The following ERCC6L2 variants were observed in gnomAD, a reference collection of about 807,000 sequenced individuals.
ERCC6L2 encodes ERCC excision repair 6 like 2, also known as DNA excision repair protein ERCC-6-like 2.
Under a neutral mutation model 132.0 loss-of-function variants are expected in ERCC6L2, and 77 were observed. That is an observed-to-expected ratio of 0.58 (90% CI 0.49 to 0.71). The LOEUF is 0.71. Ranked by LOEUF, ERCC6L2 falls within the 30% of genes least tolerant of loss-of-function variation. ERCC6L2 has a pLI of 0.00. For synonymous variants in ERCC6L2, 583 were observed against 632.4 expected, an observed-to-expected ratio of 0.92 and a Z score of 1.17; for missense variants, 1,542 against 1,837.6, an observed-to-expected ratio of 0.84 and a Z score of 2.94.
chr9:95,900,695 A>T (rs1380637218), intron 3 of ERCC6L2, among the ~76,000 whole-genome samples: 2 of 152,060 alleles, frequency 1.3e-5, no homozygotes, highest in African/African-American at 4.8e-5. Flanking sequence ...TGCATTGTGT[A>T]GTCTCTGTTG....
At position 95,930,046 on chromosome 9, in the gene ERCC6L2, G is replaced by C. The variant is rs372292635; in HGVS notation, c.1751+1182G>C. On this transcript the variant is annotated intron_variant, in intron 11 of 18. Transcript: ENST00000653738. ...TCATACTTCGAAAAACATCTTTTTG[G>C]ATGGCATTTTTGCTCTATTAACTCC... Among the ~76,000 whole-genome samples the C allele has an allele frequency of 3.3e-5, 5 of 152,146 alleles. No homozygotes were observed. The South Asian group carries it at 8.3e-4, about 25-fold the overall frequency.
intron 17 of ERCC6L2, among the ~76,000 whole-genome samples, chr9:95,998,059 A>G (rs2133180621): frequency 6.6e-6 from 1 of 152,350 alleles, no homozygotes; most frequent in East Asian, 1.9e-4. Flanking sequence ...GCTGCTGCTT[A>G]AAACAGCGGT....
At chr9:95,950,579 T>C (rs532096599) in intron 12 of ERCC6L2, among the ~76,000 whole-genome samples, 126 of 152,264 alleles carry the variant, frequency 8.3e-4, no homozygotes, top group African/African-American at 2.4e-3. Context: ...TGTCCAAATA[T>C]ATGCTATCCA....
intron 17 of ERCC6L2, among the ~76,000 whole-genome samples, chr9:96,000,304 C>T (rs1157269115): frequency 6.6e-6 from 1 of 152,122 alleles, no homozygotes; most frequent in East Asian, 1.9e-4. Flanking sequence ...ACCACAGTAG[C>T]TTTTGAACAT....
rs372076178 is a variant in ERCC6L2, at chr9:95,981,137, A to G, written c.3492+2922A>G. On this transcript the variant is annotated intron_variant, in intron 17 of 18. Transcript: ENST00000653738. ...TATTTCAATTTCTAAAGAATACCAT[A>G]GAGTCTGAATTAGAACCTTTAACTA... 9.2e-5 allele frequency among the ~76,000 whole-genome samples: 14 copies of G among 152,330 alleles called. No individual in the cohort carries two copies. The East Asian group carries it at 1.3e-3, about 15-fold the overall frequency.
chr9:95,988,494 A>C (rs1011842411), intron 17 of ERCC6L2, among the ~76,000 whole-genome samples: 2 of 152,230 alleles, frequency 1.3e-5, no homozygotes, highest in African/African-American at 4.8e-5. Flanking sequence ...ATGGATTGGA[A>C]AGCCGTATCC....
At chr9:96,001,109 G>C (rs1025042487) in intron 17 of ERCC6L2, among the ~76,000 whole-genome samples, 1 of 152,008 alleles carries the variant, frequency 6.6e-6, no homozygotes, top group Non-Finnish European at 1.5e-5. Flanking sequence ...CGGTGGGCTC[G>C]TGGTCTCGCT....
intron 3 of ERCC6L2, among the ~76,000 whole-genome samples, chr9:95,900,813 T>C (rs186128910): frequency 2.3e-3 from 355 of 152,354 alleles, no homozygotes; most frequent in Non-Finnish European, 4.1e-3. Flanking sequence ...TGTTTAATAG[T>C]GTTATTTTCT....
rs1827224500 is a variant in ERCC6L2 at position 95,875,891 on chromosome 9, C to T, written c.-148C>T. On this transcript the variant is annotated 5_prime_UTR_variant, in exon 1 of 19. Transcript: ENST00000653738. ...TTTGCTGGGATCCCCCTCCTCCATCCTGTGGCTTCGGGTTGCCGAAGAGCG... is the reference window on the plus strand; with the variant it reads ...TTTGCTGGGATCCCCCTCCTCCATCTTGTGGCTTCGGGTTGCCGAAGAGCG... 2.5e-6 allele frequency: 2 copies of T among 788,750 alleles called. No individual in the cohort carries two copies. The highest frequency in any genetic ancestry group is 1.7e-5 in the African/African-American group (1 of 59,192). The allele number at this position is 788,750 out of a possible 1,614,324, so 48.9% of individuals were successfully genotyped here. A position where few individuals can be genotyped will look rare whatever the true frequency, so the allele number is the denominator to read the frequency against.
At chr9:96,020,697 C>T (rs927759621), downstream of ERCC6L2, 2 of 438,794 alleles carry the variant, frequency 4.6e-6, no homozygotes, top group Non-Finnish European at 4.6e-6. Flanking sequence ...GCAAGGCTTC[C>T]GCAGCTCAAA....
intron 1 of ERCC6L2, chr9:95,876,416 C>G (rs1487311282): frequency 3.4e-6 from 1 of 291,902 alleles, no homozygotes; most frequent in Non-Finnish European, 6.3e-6. Context: ...TTATGTGACC[C>G]CGCGTGTGGC....
intron 17 of ERCC6L2, among the ~76,000 whole-genome samples, chr9:95,998,161 C>T (rs148249571): frequency 3.1e-3 from 465 of 151,632 alleles, no homozygotes; most frequent in African/African-American, 0.011. Context: ...TTTTGAAAAA[C>T]GTGTTCATGC....
At position 95,922,372 on chromosome 9, in the gene ERCC6L2, C is replaced by T; in HGVS notation, c.1367C>T (p.Ala456Val). 6.2e-7 allele frequency: 1 copy of T among 1,613,566 alleles called. No homozygotes were observed. The highest frequency in any genetic ancestry group is 8.5e-7 in the Non-Finnish European group (1 of 1,179,606). The change falls in exon 8 of 19, where the codon GCT becomes GTT. Residue 456 changes from alanine (A) to valine (V), a missense_variant. Coordinates refer to ENST00000653738, the MANE Select transcript of ERCC6L2 (RefSeq NM_020207.7). ...LSYLTVLQKV[A>V]NHVALLQAAS... ...TACCTTACAGTCCTTCAGAAGGTAG[C>T]TAACCATGTCGCGCTACTGCAAGCT... is the stretch of plus-strand genomic sequence containing the variant.
chr9:95,916,684 C>CTT (rs1360979308), intron 6 of ERCC6L2, among the ~76,000 whole-genome samples: 366 of 137,328 alleles, frequency 2.7e-3, no homozygotes, highest in African/African-American at 9.2e-3. Context: ...TCATCAAAAC[C>CTT]TTTTTTTTTT....
intron 17 of ERCC6L2, among the ~76,000 whole-genome samples, chr9:95,996,049 A>G (rs975609092): frequency 2.6e-5 from 4 of 152,264 alleles, no homozygotes; most frequent in Non-Finnish European, 5.9e-5. Flanking sequence ...AGGCATGTCA[A>G]AAGCCAAAAT....
chr9:95,990,856 C>G (rs1295889079), intron 17 of ERCC6L2, among the ~76,000 whole-genome samples: 2 of 152,138 alleles, frequency 1.3e-5, no homozygotes. Context: ...GTCTGGTGTC[C>G]AGGAAGAATC....
intron 19 of ERCC6L2, among the ~76,000 whole-genome samples, chr9:96,024,800 G>A (rs149887113): frequency 6.6e-6 from 1 of 152,276 alleles, no homozygotes; most frequent in Non-Finnish European, 1.5e-5. Flanking sequence ...TGTGTCCAAA[G>A]CAGAATTCTT....
chr9:95,943,818 C>T (rs73534689), intron 12 of ERCC6L2, among the ~76,000 whole-genome samples: 2,561 of 152,186 alleles, frequency 0.017, 78 homozygotes, highest in African/African-American at 0.059. Flanking sequence ...ACTTCACACA[C>T]GTTGGATGAC....
chr9:95,915,864 A>G (rs547894643), intron 5 of ERCC6L2, 35 bp downstream of exon 5: 3 of 1,553,522 alleles, frequency 1.9e-6, no homozygotes, highest in Admixed American at 2.0e-5. Flanking sequence ...ATTGTTTAAT[A>G]GTTCTTCAGC....
Sources: gnomAD v4.1 joint callset for allele counts (sites outside exome capture counted in the v4.1 genomes callset) on GRCh38, gnomAD v4.1.1 for gene constraint, MANE v1.5 for transcripts, NCBI Gene and HGNC (gene_info 2026-07-23, HGNC 2026-07-21) for gene names.